The following KSR1 variants were observed in gnomAD, a reference collection of about 807,000 sequenced individuals.
KSR1 encodes kinase suppressor of ras 1.
In KSR1, 35 loss-of-function variants were observed where a neutral mutation model predicts 92.9. The ratio of observed to expected loss-of-function variants is 0.38; its 90% confidence interval spans 0.29 to 0.50. The LOEUF is 0.50. Ranked by LOEUF, KSR1 falls within the 20% of genes least tolerant of loss-of-function variation. KSR1 has a pLI of 0.94. For synonymous variants in KSR1, 467 were observed against 472.6 expected, an observed-to-expected ratio of 0.99 and a Z score of 0.15; for missense variants, 972 against 1,158.5, an observed-to-expected ratio of 0.84 and a Z score of 2.34.
Position 27,522,685 on chromosome 17 carries a change from A to G in KSR1, c.232-27883A>G, listed in dbSNP as rs1169418863. ...AGTAGGCTGGATATGAAATAATTTG[A>G]GGGGTGGTGAATGCAAAGGACTAAT... On this transcript the variant is annotated intron_variant, in intron 1 of 20. Transcript: ENST00000644974. Among the ~76,000 whole-genome samples, 4 of 152,188 alleles carry G rather than the reference A, an allele frequency of 2.6e-5. No homozygotes were observed. In the East Asian group the frequency reaches 7.7e-4, roughly 29 times the overall value.
chr17:27,622,549 A>G (rs1390724371), intron 20 of KSR1: 1 of 152,612 alleles, frequency 6.6e-6, no homozygotes, highest in African/African-American at 2.4e-5. Context: ...TGTGGCCATG[A>G]AAGATACCAG....
intron 1 of KSR1, among the ~76,000 whole-genome samples, chr17:27,472,706 G>T (rs550247424): frequency 6.6e-6 from 1 of 152,326 alleles, no homozygotes; most frequent in South Asian, 2.1e-4. Context: ...AGGAGGCTGA[G>T]GCAGGAGAAT....
intron 7 of KSR1, among the ~76,000 whole-genome samples, chr17:27,591,462 C>G (rs2151192210): frequency 6.6e-6 from 1 of 152,342 alleles, no homozygotes; most frequent in East Asian, 1.9e-4. Flanking sequence ...CACTCTGCCC[C>G]TGCATTGCTG....
chr17:27,612,479 T>C (rs2073947594), intron 18 of KSR1: 1 of 152,224 alleles, frequency 6.6e-6, no homozygotes, highest in Non-Finnish European at 1.5e-5. Context: ...GTGGTAGTTT[T>C]TGTTATCAGA....
Position 27,550,024 on chromosome 17 carries a change from C to T in KSR1, c.232-544C>T, listed in dbSNP as rs2071334368. Among the ~76,000 whole-genome samples the T allele has an allele frequency of 3.3e-5, 5 of 152,144 alleles. No homozygotes were observed. The South Asian group carries it at 1.0e-3, about 32-fold the overall frequency. On this transcript the variant is annotated intron_variant, in intron 1 of 20. Transcript: ENST00000644974. ...ATATTAGCAATTACCAACTCCCTGACCCCACCCTGGCAGGAAAGCCTTCTT... is the reference window on the plus strand; with the variant it reads ...ATATTAGCAATTACCAACTCCCTGATCCCACCCTGGCAGGAAAGCCTTCTT...
intron 1 of KSR1, among the ~76,000 whole-genome samples, chr17:27,502,765 G>T (rs1381613343): frequency 1.3e-5 from 2 of 152,218 alleles, no homozygotes; most frequent in Non-Finnish European, 2.9e-5. Flanking sequence ...GGTGCAAATG[G>T]CAAGAATTCT....
At chr17:27,540,989 C>T (rs545079828) in intron 1 of KSR1, among the ~76,000 whole-genome samples, 2 of 152,372 alleles carry the variant, frequency 1.3e-5, no homozygotes, top group South Asian at 2.1e-4. Flanking sequence ...AGGGGAGCTT[C>T]CCCGAGGCAT....
At chr17:27,600,264 G>A (rs1226537301) in intron 10 of KSR1, among the ~76,000 whole-genome samples, 10 of 151,712 alleles carry the variant, frequency 6.6e-5, no homozygotes, top group African/African-American at 1.7e-4. Context: ...GTGAAACCCC[G>A]TCTCTACTAA....
rs9905096 is a variant in KSR1 at position 27,597,724 on chromosome 17, G to A, written c.1468+288G>A. 4.1e-3 allele frequency among the ~76,000 whole-genome samples: 627 copies of A among 152,184 alleles called. 3 individuals carry two copies. Among genetic ancestry groups the A allele is most frequent in the African/African-American group, 0.014 (578 of 41,522 alleles). ...GTCTGTCTGACATAACATAATCCTC[G>A]CACTGCCCTCCTCTTCATGGGGTGG... On this transcript the variant is annotated intron_variant, in intron 10 of 20. Transcript: ENST00000644974.
chr17:27,610,353 T>G (rs2151246369), intron 17 of KSR1, among the ~76,000 whole-genome samples, 155 bp downstream of exon 17: 1 of 152,130 alleles, frequency 6.6e-6, no homozygotes, highest in Non-Finnish European at 1.5e-5. Context: ...GCTTGTTGAG[T>G]GCATGGTCTT....
At chr17:27,609,108 A>G in intron 15 of KSR1, 88 bp from the exon 16 acceptor site, 1 of 1,423,922 alleles carries the variant, frequency 7.0e-7, no homozygotes, top group Non-Finnish European at 9.6e-7. Flanking sequence ...TGTGAAGATC[A>G]AATATGGGGA....
chr17:27,498,656 C>T (rs2069077479), intron 1 of KSR1, among the ~76,000 whole-genome samples: 1 of 152,124 alleles, frequency 6.6e-6, no homozygotes, highest in Non-Finnish European at 1.5e-5. Context: ...AGATCGTGGC[C>T]CAGGTTGTGA....
chr17:27,547,534 G>A (rs2071222960), intron 1 of KSR1, among the ~76,000 whole-genome samples: 1 of 152,150 alleles, frequency 6.6e-6, no homozygotes, highest in South Asian at 2.1e-4. Context: ...CAACTTTAAA[G>A]TTATGGCAGT....
At chr17:27,596,064 C>T (rs898385291) in intron 9 of KSR1, among the ~76,000 whole-genome samples, 4 of 148,518 alleles carry the variant, frequency 2.7e-5, no homozygotes, top group African/African-American at 9.9e-5. Flanking sequence ...ACCACCTGGG[C>T]TAATACTTAC....
At chr17:27,497,044 G>A (rs926920359) in intron 1 of KSR1, among the ~76,000 whole-genome samples, 2 of 152,178 alleles carry the variant, frequency 1.3e-5, no homozygotes, top group African/African-American at 4.8e-5. Context: ...CAGTAAGTGG[G>A]CTTTTCCTCC....
intron 2 of KSR1, among the ~76,000 whole-genome samples, chr17:27,576,386 G>A (rs953115175): frequency 6.6e-6 from 1 of 152,178 alleles, no homozygotes; most frequent in South Asian, 2.1e-4. Flanking sequence ...GTTGGGCACA[G>A]TAAGAGATTA....
chr17:27,467,447 A>C (rs1352393121), intron 1 of KSR1, among the ~76,000 whole-genome samples: 1 of 152,228 alleles, frequency 6.6e-6, no homozygotes, highest in Non-Finnish European at 1.5e-5. Flanking sequence ...ATATAAATTG[A>C]TTCTCCCTGG....
intron 1 of KSR1, among the ~76,000 whole-genome samples, chr17:27,469,993 AGT>A (rs145390989): frequency 0.53 from 74,053 of 139,384 alleles, 19,471 homozygotes; most frequent in Non-Finnish European, 0.57. Flanking sequence ...ATGGAGATGG[AGT>A]GTGTGTGTGT....
intron 2 of KSR1, among the ~76,000 whole-genome samples, chr17:27,562,141 C>T (rs1473111499): frequency 1.3e-5 from 2 of 152,150 alleles, no homozygotes; most frequent in Non-Finnish European, 2.9e-5. Context: ...CCACCAGGCC[C>T]GGCCTTGCTT....
Sources: allele counts gnomAD v4.1 joint callset (sites outside exome capture counted in the v4.1 genomes callset), GRCh38; gene constraint gnomAD v4.1.1; transcripts MANE v1.5; gene names NCBI Gene and HGNC (gene_info 2026-07-23, HGNC 2026-07-21).